Variants in PTPRR observed in about 807,000 individuals in gnomAD.
The protein encoded by PTPRR is receptor-type tyrosine-protein phosphatase R.
In PTPRR, 38 loss-of-function variants were observed where a neutral mutation model predicts 77.2. The ratio of observed to expected loss-of-function variants is 0.49; its 90% CI spans 0.38 to 0.65. PTPRR has a LOEUF of 0.65. PTPRR is among the 30% of genes least tolerant of loss of function. PTPRR has a pLI of 0.00. For missense variants in PTPRR, 744 were observed against 799.2 expected, an observed-to-expected ratio of 0.93 and a Z score of 0.83; for synonymous variants, 299 against 283.1, an observed-to-expected ratio of 1.06 and a Z score of -0.57.
At chr12:70,827,548 CT>C (rs35574548) in intron 2 of PTPRR, among the ~76,000 whole-genome samples, 7,188 of 105,338 alleles carry the variant, frequency 0.068, 544 homozygotes, top group African/African-American at 0.28. Flanking sequence ...TTCTTTCTTT[CT>C]TTTTTTTTTT....
intron 2 of PTPRR, among the ~76,000 whole-genome samples, chr12:70,872,558 T>A (rs942758388): frequency 3.3e-5 from 5 of 151,134 alleles, no homozygotes; most frequent in Non-Finnish European, 7.4e-5. Flanking sequence ...TAGCCAGGCG[T>A]GGTGGCGGGT....
intron 2 of PTPRR, among the ~76,000 whole-genome samples, chr12:70,771,092 C>T (rs59499257): frequency 6.6e-6 from 1 of 150,746 alleles, no homozygotes; most frequent in African/African-American, 2.4e-5. Context: ...CAGCATGGCA[C>T]ATGTATACAT....
In PTPRR at chr12:70,815,798, T is replaced by G. The variant is rs74102010; in HGVS notation, c.358-51020A>C. Among the ~76,000 whole-genome samples, 1,355 of 152,290 alleles carry G rather than the reference T, an allele frequency of 8.9e-3. 22 individuals are homozygous for G. The highest frequency in any genetic ancestry group is 0.031 in the African/African-American group (1,273 of 41,566). On this transcript the variant is annotated intron_variant, in intron 2 of 13. Coordinates refer to ENST00000283228, the MANE Select transcript of PTPRR (RefSeq NM_002849.4). Reference sequence around the variant, plus strand: ...ATTTAACACACATTTGAGCTCTTATTTCTACAAAAGCACATTAGGACACAT... The same window carrying G: ...ATTTAACACACATTTGAGCTCTTATGTCTACAAAAGCACATTAGGACACAT...
At chr12:70,644,785 T>C (rs548439792) in intron 13 of PTPRR, among the ~76,000 whole-genome samples, 1 of 152,250 alleles carries the variant, frequency 6.6e-6, no homozygotes, top group Admixed American at 6.5e-5. Flanking sequence ...CAGAGGACAT[T>C]AGTTTGCCCA....
chr12:70,735,835 C>G (rs1889843623), intron 6 of PTPRR, among the ~76,000 whole-genome samples: 1 of 152,176 alleles, frequency 6.6e-6, no homozygotes, highest in Admixed American at 6.5e-5. Context: ...TACATAAGCA[C>G]AGTGGTTGGC....
chr12:70,717,497 G>C (rs1889075299), intron 6 of PTPRR, among the ~76,000 whole-genome samples: 1 of 152,074 alleles, frequency 6.6e-6, no homozygotes, highest in African/African-American at 2.4e-5. Context: ...GGATTACAAG[G>C]GATAGGGTCA....
chr12:70,822,112 A>G (rs969498437), intron 2 of PTPRR, among the ~76,000 whole-genome samples: 5 of 152,248 alleles, frequency 3.3e-5, no homozygotes, highest in Admixed American at 2.0e-4. Context: ...AATGAGCATC[A>G]CTGTATACAA....
In PTPRR at chr12:70,684,088, G is replaced by A. The variant is rs781351062; in HGVS notation, c.1497+39C>T. 5.0e-6 allele frequency: 8 copies of A among 1,599,872 alleles called. No individual in the cohort carries two copies. In the South Asian group the frequency reaches 9.0e-5, roughly 18 times the overall value. On this transcript the variant is annotated intron_variant, in intron 10 of 13. Coordinates refer to ENST00000283228, the MANE Select transcript of PTPRR (RefSeq NM_002849.4). ...ACACAGTATCTCTTCTATAGCAACA[G>A]AACACATATAACATTCAGAACTTGA...
intron 13 of PTPRR, among the ~76,000 whole-genome samples, chr12:70,642,272 A>T (rs1411001546): frequency 1.3e-5 from 2 of 152,068 alleles, no homozygotes; most frequent in African/African-American, 2.4e-5. Flanking sequence ...GCTTTCTCCC[A>T]TCCTGTAATT....
At chr12:70,754,617 C>G (rs1197041243) in intron 4 of PTPRR, 1 of 1,597,938 alleles carries the variant, frequency 6.3e-7, no homozygotes, top group Admixed American at 1.7e-5. Context: ...CTGTTCTTTT[C>G]TGTGTGGAGG....
intron 13 of PTPRR, among the ~76,000 whole-genome samples, chr12:70,645,625 C>T (rs186811845): frequency 6.6e-6 from 1 of 152,174 alleles, no homozygotes; most frequent in Non-Finnish European, 1.5e-5. Context: ...AGCCACGTGG[C>T]TTGGATTTCT....
At chr12:70,809,606 G>A (rs1891773839) in intron 2 of PTPRR, among the ~76,000 whole-genome samples, 1 of 152,020 alleles carries the variant, frequency 6.6e-6, no homozygotes, top group African/African-American at 2.4e-5. Flanking sequence ...CAGATACAAT[G>A]TACTTGTCCA....
intron 6 of PTPRR, among the ~76,000 whole-genome samples, chr12:70,722,994 A>C (rs1295320315): frequency 6.6e-6 from 1 of 152,200 alleles, no homozygotes; most frequent in Non-Finnish European, 1.5e-5. Context: ...CTGAGTTTTT[A>C]CTGTTTAGAT....
intron 2 of PTPRR, among the ~76,000 whole-genome samples, chr12:70,809,261 C>A (rs533326838): frequency 1.3e-5 from 2 of 152,226 alleles, no homozygotes; most frequent in South Asian, 4.1e-4. Context: ...CTTTTGCAAC[C>A]ATGAGGTAGA....
intron 8 of PTPRR, among the ~76,000 whole-genome samples, chr12:70,688,065 T>G (rs1490808032): frequency 6.6e-6 from 1 of 152,218 alleles, no homozygotes; most frequent in Non-Finnish European, 1.5e-5. Context: ...TGACCCTCAC[T>G]TGCATGAGCC....
chr12:70,664,541 AG>A (rs1400221266), intron 10 of PTPRR: 1 of 152,252 alleles, frequency 6.6e-6, no homozygotes, highest in Non-Finnish European at 1.5e-5. Context: ...CCTGAGCAGC[AG>A]GGCCCTCTTT....
chr12:70,757,555 A>G (rs1195741644), intron 4 of PTPRR, among the ~76,000 whole-genome samples: 1 of 152,206 alleles, frequency 6.6e-6, no homozygotes, highest in Non-Finnish European at 1.5e-5. Flanking sequence ...ACAAATGAAA[A>G]CAAATGACTA....
intron 1 of PTPRR, among the ~76,000 whole-genome samples, chr12:70,906,005 G>A (rs933740398): frequency 1.3e-5 from 2 of 151,890 alleles, no homozygotes; most frequent in African/African-American, 4.8e-5. Flanking sequence ...CCATTTATTT[G>A]ATTTGTTAAT....
At chr12:70,681,562 A>G (rs1454906978) in intron 10 of PTPRR, among the ~76,000 whole-genome samples, 3 of 152,126 alleles carry the variant, frequency 2.0e-5, no homozygotes, top group African/African-American at 4.8e-5. Context: ...AGAGTGCTTC[A>G]TTCTCTTCTC....
Sources: gnomAD v4.1 joint callset for allele counts (sites outside exome capture counted in the v4.1 genomes callset) on GRCh38, gnomAD v4.1.1 for gene constraint, MANE v1.5 for transcripts, NCBI Gene and HGNC (gene_info 2026-07-23, HGNC 2026-07-21) for gene names.